EPHB1: variants seen among roughly 807,000 people sequenced by gnomAD.
EPHB1 encodes ephrin type-B receptor 1.
Under a neutral mutation model 94.4 loss-of-function variants are expected in EPHB1, and 30 were observed. The observed-to-expected ratio is 0.32, with a 90% confidence interval of 0.24 to 0.43. The LOEUF (loss-of-function observed/expected upper bound fraction) is 0.43. Among genes scored for constraint, EPHB1 ranks in the 20% least tolerant of loss-of-function variants. The pLI is 1.00. For synonymous variants in EPHB1, 522 were observed against 489.1 expected (o/e 1.07, Z -0.89); for missense variants, 1,055 against 1,308.3 (o/e 0.81, Z 2.99).
intron 1 of EPHB1, among the ~76,000 whole-genome samples, chr3:134,850,664 G>T (rs563160169): frequency 6.6e-6 from 1 of 152,360 alleles, no homozygotes; most frequent in Admixed American, 6.5e-5. Context: ...CTTGGTGCGG[G>T]CAGTTCATGC....
At position 135,154,198 on chromosome 3, in the gene EPHB1, G is replaced by A; in HGVS notation, c.1344G>A (p.Arg448=). The change falls in exon 6 of 16, where the codon AGG becomes AGA. Residue 448 remains arginine (R), a synonymous_variant. Coordinates refer to ENST00000398015, the MANE Select transcript of EPHB1 (RefSeq NM_004441.5). ...TGCACCAAGTCAGTGCCACTATGAG[G>A]AGCATCACCTTGTCATGGCCACAGC... ...PIMHQVSATM[R]SITLSWPQPE... 6.2e-7 allele frequency: 1 copy of A among 1,613,948 alleles called. No individual in the cohort carries two copies. The highest frequency in any genetic ancestry group is 1.7e-5 in the Admixed American group (1 of 60,010).
chr3:134,898,673 T>C (rs1310980920), intron 1 of EPHB1, among the ~76,000 whole-genome samples: 2 of 152,160 alleles, frequency 1.3e-5, no homozygotes, highest in Non-Finnish European at 2.9e-5. Flanking sequence ...CAGGGTCTGT[T>C]TGCTTATGGA....
chr3:135,151,883 A>G (rs1402009741), intron 5 of EPHB1, among the ~76,000 whole-genome samples: 2 of 152,240 alleles, frequency 1.3e-5, no homozygotes, highest in Non-Finnish European at 2.9e-5. Flanking sequence ...GGAGCATACC[A>G]TGGGGAAACC....
intron 2 of EPHB1, among the ~76,000 whole-genome samples, chr3:134,947,461 A>G (rs1359024747): frequency 6.6e-6 from 1 of 152,232 alleles, no homozygotes; most frequent in Middle Eastern, 3.2e-3. Context: ...GGGAAGCTCT[A>G]TGATGGCCTT....
chr3:135,075,862 G>A (rs1340153947), intron 3 of EPHB1, among the ~76,000 whole-genome samples: 1 of 152,212 alleles, frequency 6.6e-6, no homozygotes, highest in African/African-American at 2.4e-5. Context: ...CCCAGAAAAT[G>A]TCTTGGCACC....
intron 3 of EPHB1, among the ~76,000 whole-genome samples, chr3:135,010,448 A>G (rs1935580263): frequency 6.6e-6 from 1 of 152,132 alleles, no homozygotes; most frequent in African/African-American, 2.4e-5. Context: ...TGTCCTAGAA[A>G]AGTGGTTCTT....
intron 3 of EPHB1, among the ~76,000 whole-genome samples, chr3:135,010,565 T>C (rs1021306030): frequency 6.7e-6 from 1 of 148,356 alleles, no homozygotes; most frequent in African/African-American, 2.5e-5. Flanking sequence ...TCTGTTTTTT[T>C]TTTTTTTTTT....
chr3:134,947,940 G>A (rs1318489345), intron 2 of EPHB1, among the ~76,000 whole-genome samples: 1 of 152,136 alleles, frequency 6.6e-6, no homozygotes, highest in Non-Finnish European at 1.5e-5. Flanking sequence ...ACAGGCACAA[G>A]CCACCAATCT....
chr3:135,128,015 A>G (rs1215227305), intron 4 of EPHB1, among the ~76,000 whole-genome samples: 1 of 152,230 alleles, frequency 6.6e-6, no homozygotes, highest in Non-Finnish European at 1.5e-5. Flanking sequence ...CCCTTTAAAC[A>G]GAATGCATTC....
Position 135,033,298 on chromosome 3 carries a change from A to G in EPHB1, c.806-73150A>G, listed in dbSNP as rs1048493841. ...AGAACCCAGGCCATGGTCATCCTGAAGAAAGGGTAGCATGCACCTTGTGTG... is the reference window on the plus strand; with the variant it reads ...AGAACCCAGGCCATGGTCATCCTGAGGAAAGGGTAGCATGCACCTTGTGTG... On this transcript the variant is annotated intron_variant, in intron 3 of 15. Transcript: ENST00000398015. Among the ~76,000 whole-genome samples the G allele has an allele frequency of 2.0e-5, 3 of 152,278 alleles. No individual in the cohort carries two copies. In the South Asian group the frequency reaches 6.2e-4, roughly 32 times the overall value.
rs1942492706 is a variant in EPHB1 at position 135,192,722 on chromosome 3, C to T, written c.2029C>T (p.His677Tyr). ...SEASIMGQFD[H>Y]PNIIRLEGVV... The stretch of plus-strand genomic sequence containing the variant: ...GGCGAGCATCATGGGCCAGTTCGAC[C>T]ATCCTAACATCATTCGCCTGGAGGG... The change falls in exon 11 of 16, where the codon CAT (histidine) becomes TAT (tyrosine). Residue 677 changes from histidine (H) to tyrosine (Y), a missense_variant. Transcript: ENST00000398015. The T allele has an allele frequency of 1.9e-6, 3 of 1,614,036 alleles. No homozygotes were observed. Among genetic ancestry groups the T allele is most frequent in the Non-Finnish European group, 2.5e-6 (3 of 1,180,048 alleles).
intron 5 of EPHB1, among the ~76,000 whole-genome samples, chr3:135,133,847 G>A (rs6772933): frequency 0.88 from 133,879 of 152,234 alleles, 59,374 homozygotes; most frequent in East Asian, 0.98. Context: ...TAACGAGTCC[G>A]TTCATGCACT....
chr3:134,906,088 C>T (rs1023998427), intron 1 of EPHB1, among the ~76,000 whole-genome samples: 3 of 152,204 alleles, frequency 2.0e-5, no homozygotes, highest in Admixed American at 2.0e-4. Flanking sequence ...TCTACAGAAA[C>T]CCAGCTGACA....
chr3:134,931,005 G>A (rs1339923603), intron 2 of EPHB1, among the ~76,000 whole-genome samples: 1 of 152,174 alleles, frequency 6.6e-6, no homozygotes, highest in African/African-American at 2.4e-5. Flanking sequence ...TTAATGTTTT[G>A]TTGACTGAGT....
intron 3 of EPHB1, among the ~76,000 whole-genome samples, chr3:135,090,344 C>T (rs564790502): frequency 3.3e-5 from 5 of 152,348 alleles, no homozygotes; most frequent in African/African-American, 1.2e-4. Flanking sequence ...AGTCGCAGGT[C>T]AGACAAAATG....
At chr3:134,916,619 TGCCCGGGGCTGGCGCGGCCA>T (rs2038576946) in intron 1 of EPHB1, among the ~76,000 whole-genome samples, 2 of 152,330 alleles carry the variant, frequency 1.3e-5, no homozygotes, top group South Asian at 4.1e-4. Flanking sequence ...AGCCCCTCAC[TGCCCGGGGCTGGCGCGGCCA>T]GCCGGCAGCT....
chr3:135,105,345 A>AAG (rs1939172900), intron 3 of EPHB1, among the ~76,000 whole-genome samples: 2 of 152,198 alleles, frequency 1.3e-5, no homozygotes. Flanking sequence ...TGAATGAAGT[A>AAG]ATGAGGTGTG....
At chr3:134,910,965 A>T (rs1490870590) in intron 1 of EPHB1, among the ~76,000 whole-genome samples, 1 of 152,370 alleles carries the variant, frequency 6.6e-6, no homozygotes, top group East Asian at 1.9e-4. Context: ...AATCCTGTGG[A>T]ACAGGGAGAG....
At chr3:135,004,986 G>A (rs1935338054) in intron 3 of EPHB1, among the ~76,000 whole-genome samples, 2 of 152,198 alleles carry the variant, frequency 1.3e-5, no homozygotes, top group South Asian at 4.1e-4. Flanking sequence ...GTCCAGCTTT[G>A]TTCCGTTGCT....
Sources: gnomAD v4.1 joint callset for allele counts (sites outside exome capture counted in the v4.1 genomes callset) on GRCh38, gnomAD v4.1.1 for gene constraint, MANE v1.5 for transcripts, NCBI Gene and HGNC (gene_info 2026-07-23, HGNC 2026-07-21) for gene names.